The following TANGO6 variants were observed in gnomAD, a reference collection of about 807,000 sequenced individuals.
TANGO6 encodes transport and golgi organization 6 homolog, also known as transport and Golgi organization protein 6 homolog.
Under a neutral mutation model 114.2 loss-of-function variants are expected in TANGO6, and 90 were observed. That is an observed-to-expected ratio of 0.79 (90% CI 0.66 to 0.94). The LOEUF (loss-of-function observed/expected upper bound fraction) is 0.94. Among genes scored for constraint, TANGO6 ranks in the 40% least tolerant of loss-of-function variants. The pLI, the probability that TANGO6 is intolerant of heterozygous loss-of-function variation, is 0.00. For missense variants in TANGO6, 1,274 were observed against 1,315.3 expected (o/e 0.97, Z 0.49); for synonymous variants, 477 against 509.8 (o/e 0.94, Z 0.87).
At chr16:68,854,057 A>G (rs911476679) in intron 1 of TANGO6, among the ~76,000 whole-genome samples, 1 of 152,134 alleles carries the variant, frequency 6.6e-6, no homozygotes, top group African/African-American at 2.4e-5. Flanking sequence ...TTTTCTCCCT[A>G]TCTGTGGCTT....
chr16:68,906,796 T>C (rs888386691), intron 9 of TANGO6, among the ~76,000 whole-genome samples: 15 of 150,188 alleles, frequency 1.0e-4, no homozygotes, highest in East Asian at 1.9e-4. Context: ...CTTCTTCTTT[T>C]TTTTTTTTTT....
Position 68,927,632 on chromosome 16 carries a change from C to T in TANGO6, c.2192C>T (p.Thr731Ile), listed in dbSNP as rs750928399. 6.2e-7 allele frequency: 1 copy of T among 1,614,018 alleles called. No homozygotes were observed. The highest frequency in any genetic ancestry group is 1.1e-5 in the South Asian group (1 of 91,086). Residue 731 changes from threonine to isoleucine, a missense_variant, in exon 13 of 18, where the codon ACA becomes ATA. This residue lies in a region of TANGO6 where 908 missense variants were observed against 910.2 expected (regional missense o/e 1.00). Coordinates refer to ENST00000261778, the MANE Select transcript of TANGO6 (RefSeq NM_024562.2). ...CCTCTGTTGGAGAAGGTATCCAACACATACCCTGATCCGGTCATCCAAGAA... is the reference window on the plus strand; with the variant it reads ...CCTCTGTTGGAGAAGGTATCCAACATATACCCTGATCCGGTCATCCAAGAA... The part of the protein sequence containing the change: ...LLPLLEKVSN[T>I]YPDPVIQELA...
In TANGO6 at chr16:68,860,011, A is replaced by G. The variant is rs1343157087; in HGVS notation, c.222A>G (p.Arg74=). 1 of 1,614,004 alleles carries G rather than the reference A, an allele frequency of 6.2e-7. No individual in the cohort carries two copies. The highest frequency in any genetic ancestry group is 8.5e-7 in the Non-Finnish European group (1 of 1,179,880). Reference sequence around the variant, plus strand: ...AGTGGAAGAATCTGAAACTCCTAAGAGATGAAATTGCTGATAAGGCAGAAT... The same window carrying G: ...AGTGGAAGAATCTGAAACTCCTAAGGGATGAAATTGCTGATAAGGCAGAAT... ...DPQWKNLKLL[R]DEIADKAEWP... Residue 74 remains arginine, a synonymous_variant, in exon 2 of 18, where the codon AGA becomes AGG. Coordinates refer to ENST00000261778, the MANE Select transcript of TANGO6 (RefSeq NM_024562.2).
At chr16:68,998,052 T>C (rs1415656408) in intron 15 of TANGO6, among the ~76,000 whole-genome samples, 1 of 152,150 alleles carries the variant, frequency 6.6e-6, no homozygotes, top group Non-Finnish European at 1.5e-5. Flanking sequence ...AAATGTTGAG[T>C]AGGCTTATCC....
chr16:68,911,485 C>T (rs1027395294), intron 11 of TANGO6, among the ~76,000 whole-genome samples: 3 of 148,562 alleles, frequency 2.0e-5, no homozygotes, highest in East Asian at 4.0e-4. Context: ...GGTGCGATCT[C>T]GGCTCACTGC....
In TANGO6 at chr16:68,905,947, G is replaced by A. The variant is rs140689646; in HGVS notation, c.1668-1496G>A. On this transcript the variant is annotated intron_variant, in intron 9 of 17. Transcript: ENST00000261778. ...TGTAATGCCAGCACTTTGGGAGGCC[G>A]AGGTGGGCAGATCACGAGGTCAGAA... is the stretch of plus-strand genomic sequence containing the variant. 4.3e-3 allele frequency among the ~76,000 whole-genome samples: 661 copies of A among 152,256 alleles called. 6 individuals carry two copies. The highest frequency in any genetic ancestry group is 0.015 in the African/African-American group (621 of 41,562).
intron 15 of TANGO6, among the ~76,000 whole-genome samples, chr16:68,976,918 AATT>A (rs1963770263): frequency 6.6e-6 from 1 of 152,208 alleles, no homozygotes; most frequent in Non-Finnish European, 1.5e-5. Context: ...GCTTTTTAGT[AATT>A]CCATTATATA....
Position 69,040,413 on chromosome 16 carries a change from GCTA to G in TANGO6, c.3103_3105del (p.Thr1035del). 6.2e-7 allele frequency: 1 copy of G among 1,601,018 alleles called. No individual in the cohort carries two copies. Among genetic ancestry groups the G allele is most frequent in the Non-Finnish European group, 8.5e-7 (1 of 1,173,848 alleles). ...GCTGCTTCGGGGACTCAGCCAGAAA[GCTA>G]CTGAGGTCAGTCCGTCTCTCGCCCT... is the stretch of plus-strand genomic sequence containing the variant. On this transcript the variant is annotated inframe_deletion, in exon 17 of 18. Transcript: ENST00000261778.
At chr16:68,870,099 T>C (rs912843304) in intron 4 of TANGO6, among the ~76,000 whole-genome samples, 3 of 151,976 alleles carry the variant, frequency 2.0e-5, no homozygotes, top group Non-Finnish European at 4.4e-5. Flanking sequence ...GAAGAATGGA[T>C]TGGGTAAGAG....
chr16:68,892,510 T>TC (rs1238647941), intron 7 of TANGO6, among the ~76,000 whole-genome samples: 3 of 147,966 alleles, frequency 2.0e-5, no homozygotes, highest in African/African-American at 7.7e-5. Flanking sequence ...GTTCAGTCTT[T>TC]CTTTTTTTTT....
chr16:68,863,197 A>G (rs1474734723), intron 3 of TANGO6, 136 bp downstream of exon 3: 1 of 523,726 alleles, frequency 1.9e-6, no homozygotes, highest in Non-Finnish European at 3.3e-6. Context: ...TTTAGATCAT[A>G]AAATGATATT....
intron 17 of TANGO6, among the ~76,000 whole-genome samples, chr16:69,070,127 G>A (rs1030554032): frequency 2.6e-5 from 4 of 151,146 alleles, no homozygotes; most frequent in Admixed American, 6.6e-5. Flanking sequence ...AGAATCACTT[G>A]AACCCAGGAA....
chr16:68,945,922 A>G (rs1158582747), intron 14 of TANGO6, among the ~76,000 whole-genome samples: 1 of 152,050 alleles, frequency 6.6e-6, no homozygotes. Flanking sequence ...CTGACCTCAG[A>G]TGATCCCCCG....
At chr16:69,028,650 A>T (rs903527142) in intron 16 of TANGO6, among the ~76,000 whole-genome samples, 7 of 151,358 alleles carry the variant, frequency 4.6e-5, no homozygotes, top group Non-Finnish European at 1.0e-4. Context: ...ACTAAAAATT[A>T]AAAAAAAATA....
intron 14 of TANGO6, among the ~76,000 whole-genome samples, chr16:68,966,458 T>C (rs1169661394): frequency 6.6e-6 from 1 of 151,554 alleles, no homozygotes; most frequent in Admixed American, 6.6e-5. Context: ...GAGCTGAGAT[T>C]ACACCACTGC....
intron 17 of TANGO6, among the ~76,000 whole-genome samples, chr16:69,043,968 C>T (rs1180081848): frequency 5.3e-5 from 8 of 152,178 alleles, no homozygotes; most frequent in South Asian, 4.1e-4. Context: ...GAAACATCAA[C>T]GCCCCTAACT....
intron 17 of TANGO6, among the ~76,000 whole-genome samples, chr16:69,064,951 A>G (rs1960190834): frequency 6.6e-6 from 1 of 152,136 alleles, no homozygotes; most frequent in Non-Finnish European, 1.5e-5. Flanking sequence ...GGAAACAATG[A>G]AGCCTGTTCC....
chr16:68,868,635 C>T (rs1962217421), intron 4 of TANGO6, among the ~76,000 whole-genome samples: 1 of 151,536 alleles, frequency 6.6e-6, no homozygotes, highest in Non-Finnish European at 1.5e-5. Context: ...GTAGCTGGGA[C>T]TAAAGGCGCC....
chr16:69,057,781 C>T (rs1313489977), intron 17 of TANGO6, among the ~76,000 whole-genome samples: 4 of 152,160 alleles, frequency 2.6e-5, no homozygotes, highest in South Asian at 2.1e-4. Context: ...TTCAGGCACC[C>T]GGGTTTCCTG....
Sources: allele counts gnomAD v4.1 joint callset (sites outside exome capture counted in the v4.1 genomes callset), GRCh38; gene constraint gnomAD v4.1.1; regional missense constraint gnomAD v4.1.1; transcripts MANE v1.5; gene names NCBI Gene and HGNC (gene_info 2026-07-23, HGNC 2026-07-21).